Variants in GATB observed in about 807,000 individuals in gnomAD.
GATB encodes glutamyl-tRNA(Gln) amidotransferase subunit B, mitochondrial.
GATB carries 39 observed loss-of-function variants against 62.3 expected under a neutral mutation model. That is an observed-to-expected ratio of 0.63 (90% CI 0.48 to 0.82). The LOEUF (loss-of-function observed/expected upper bound fraction) is 0.82. Ranked by LOEUF, GATB falls within the 40% of genes least tolerant of loss-of-function variation. GATB has a pLI of 0.00. For synonymous variants in GATB, 276 were observed against 258.9 expected, an observed-to-expected ratio of 1.07 and a Z score of -0.63; for missense variants, 670 against 684.0, an observed-to-expected ratio of 0.98 and a Z score of 0.23.
At chr4:151,754,863 G>C (rs959341330) in intron 2 of GATB, among the ~76,000 whole-genome samples, 4 of 152,146 alleles carry the variant, frequency 2.6e-5, no homozygotes, top group African/African-American at 9.7e-5. Flanking sequence ...GAGATACCCA[G>C]GTTAGTTTTT....
At chr4:151,728,716 A>C (rs1739186220) in intron 2 of GATB, among the ~76,000 whole-genome samples, 1 of 152,220 alleles carries the variant, frequency 6.6e-6, no homozygotes, top group East Asian at 1.9e-4. Context: ...AGTGATAGTA[A>C]CAAGAAACAT....
Position 151,688,761 on chromosome 4 carries a change from G to T in GATB, c.1200C>A (p.Asn400Lys). 6.5e-7 allele frequency: 1 copy of T among 1,531,096 alleles called. No homozygotes were observed. The allele number at this position is 1,531,096 out of a possible 1,614,324, so 94.8% of individuals were successfully genotyped here. Reference protein sequence around the residue: ...MLLEHSFTLLNEVGLLEFFQN... With the variant: ...MLLEHSFTLLKEVGLLEFFQN... ...GGAAGAACTCCAGTAGGCCGACTTC[G>T]TTCTGTTAAAAAAAAAAAAAGAAAA... Residue 400 changes from asparagine to lysine, a missense_variant and splice_region_variant, in exon 10 of 13, where the codon AAC (asparagine) becomes AAA (lysine). Coordinates refer to ENST00000263985, the MANE Select transcript of GATB (RefSeq NM_004564.3).
chr4:151,719,448 G>A lies in GATB; in HGVS notation c.418C>T (p.His140Tyr), dbSNP rs1369788751. 6.2e-7 allele frequency: 1 copy of A among 1,611,626 alleles called. No individual in the cohort carries two copies. Among genetic ancestry groups the A allele is most frequent in the African/African-American group, 1.3e-5 (1 of 74,804 alleles). Reference protein sequence around the residue: ...INKKSLFDRKHYFYADLPAGY... With the variant: ...INKKSLFDRKYYFYADLPAGY... ...ACAGGGAGGTCTGCATAGAAGTAGT[G>A]CTTCCTGTCAAACAAGGACTTCTTG... is the stretch of plus-strand genomic sequence containing the variant. The change falls in exon 3 of 13, where the codon CAC becomes TAC. Residue 140 changes from histidine to tyrosine, a missense_variant. Transcript: ENST00000263985.
intron 9 of GATB, among the ~76,000 whole-genome samples, chr4:151,698,404 G>A (rs1406076126): frequency 6.6e-6 from 1 of 152,140 alleles, no homozygotes. Flanking sequence ...GTGGGCATGT[G>A]CATAATGCTT....
intron 9 of GATB, among the ~76,000 whole-genome samples, chr4:151,697,878 C>A (rs1348120128): frequency 6.9e-6 from 1 of 145,008 alleles, no homozygotes; most frequent in African/African-American, 2.6e-5. Context: ...CCAGCCTAGG[C>A]CACAAAGCGA....
At chr4:151,693,558 G>A (rs1738412419) in intron 9 of GATB, among the ~76,000 whole-genome samples, 1 of 152,182 alleles carries the variant, frequency 6.6e-6, no homozygotes, top group Non-Finnish European at 1.5e-5. Flanking sequence ...CTCCACTGCT[G>A]CTGGCAAGAA....
chr4:151,756,668 A>C (rs1739836699), intron 2 of GATB, among the ~76,000 whole-genome samples: 1 of 152,220 alleles, frequency 6.6e-6, no homozygotes, highest in African/African-American at 2.4e-5. Flanking sequence ...CTCAACACTC[A>C]AATGTCCCAA....
At chr4:151,746,894 T>A (rs145316214) in intron 2 of GATB, among the ~76,000 whole-genome samples, 2 of 151,960 alleles carry the variant, frequency 1.3e-5, no homozygotes, top group African/African-American at 4.8e-5. Context: ...AATACACAGA[T>A]GTGTACATGC....
At chr4:151,757,002 G>A (rs1165352771) in intron 2 of GATB, among the ~76,000 whole-genome samples, 1 of 152,126 alleles carries the variant, frequency 6.6e-6, no homozygotes, top group Non-Finnish European at 1.5e-5. Flanking sequence ...GGAAAAAAAT[G>A]TTTTGAATCT....
intron 10 of GATB, among the ~76,000 whole-genome samples, 182 bp downstream of exon 10, chr4:151,688,444 GAATA>G (rs1225031853): frequency 3.3e-5 from 5 of 152,306 alleles, no homozygotes; most frequent in African/African-American, 1.2e-4. Context: ...AGATTTGAAG[GAATA>G]AATACATTTT....
intron 9 of GATB, among the ~76,000 whole-genome samples, chr4:151,697,971 A>ATATATATATATATGTG (rs1738518662): frequency 1.1e-5 from 1 of 89,376 alleles, no homozygotes; most frequent in African/African-American, 5.4e-5. Context: ...ATATATATAT[A>ATATATATATATATGTG]TATATATATA....
intron 9 of GATB, among the ~76,000 whole-genome samples, chr4:151,695,543 G>A (rs115216383): frequency 0.015 from 2,293 of 152,202 alleles, 60 homozygotes; most frequent in African/African-American, 0.051. Flanking sequence ...CTCAACTCGG[G>A]ATGCTCTGGC....
At position 151,705,198 on chromosome 4, in the gene GATB, GA is replaced by G; in HGVS notation, c.948del (p.His317IlefsTer10). 6.2e-7 allele frequency: 1 copy of G among 1,612,484 alleles called. No homozygotes were observed. Among genetic ancestry groups the G allele is most frequent in the Non-Finnish European group, 8.5e-7 (1 of 1,178,602 alleles). On this transcript the variant is annotated frameshift_variant, in exon 7 of 13. Coordinates refer to ENST00000263985, the MANE Select transcript of GATB (RefSeq NM_004564.3). LOFTEE classifies it high-confidence loss of function. ...GGEILNETRS[F>X]HHKLGCTMSM... is the part of the protein sequence containing the mutation. ...ATGCGAACTCACCCCAGCTTGTGAT[GA>G]AATGAGCGTGTTTCGTTCAGAATTT...
chr4:151,722,628 G>C (rs974293344), intron 2 of GATB: 1 of 174,128 alleles, frequency 5.7e-6, no homozygotes. Flanking sequence ...AGCCTTCCTT[G>C]TTGTCCTTTC....
intron 11 of GATB, chr4:151,673,313 G>T (rs1737918502): frequency 6.1e-6 from 1 of 162,774 alleles, no homozygotes; most frequent in Non-Finnish European, 1.3e-5. Flanking sequence ...CTGCTGACGG[G>T]AGTCGGCGGG....
chr4:151,735,719 GATAA>G (rs975391556), intron 2 of GATB, among the ~76,000 whole-genome samples: 2 of 90,094 alleles, frequency 2.2e-5, no homozygotes, highest in Admixed American at 2.0e-4. Context: ...TCAACAAGTG[GATAA>G]ATAAACTGTG....
chr4:151,705,555 G>T (rs1226336946), intron 6 of GATB, among the ~76,000 whole-genome samples: 1 of 152,166 alleles, frequency 6.6e-6, no homozygotes, highest in Admixed American at 6.5e-5. Flanking sequence ...GCAGAAGTGG[G>T]GCTGGGCCCA....
At chr4:151,701,561 G>A (rs748812679) in intron 8 of GATB, 43 bp from the exon 9 acceptor site, 1 of 1,350,150 alleles carries the variant, frequency 7.4e-7, no homozygotes, top group Non-Finnish European at 9.7e-7. Context: ...GGAGTACTTG[G>A]ATTAATGAGA....
chr4:151,710,436 A>G (rs1738795928), intron 5 of GATB, among the ~76,000 whole-genome samples: 1 of 152,170 alleles, frequency 6.6e-6, no homozygotes, highest in African/African-American at 2.4e-5. Flanking sequence ...CTTTTCAGCA[A>G]AGCCTCTTAA....
Sources: allele counts gnomAD v4.1 joint callset (sites outside exome capture counted in the v4.1 genomes callset), GRCh38; gene constraint gnomAD v4.1.1; transcripts MANE v1.5; gene names NCBI Gene and HGNC (gene_info 2026-07-23, HGNC 2026-07-21).